SAMD5: variants seen among roughly 807,000 people sequenced by gnomAD.
SAMD5 encodes the protein sterile alpha motif domain-containing protein 5.
A neutral mutation model predicts 11.3 loss-of-function variants in SAMD5; 13 were observed. The observed-to-expected ratio is 1.15, with a 90% CI of 0.75 to 1.83. The LOEUF (loss-of-function observed/expected upper bound fraction) is 1.83. Among genes scored for constraint, SAMD5 ranks in the 40% most tolerant of loss-of-function variants. SAMD5 has a pLI of 0.00. For missense variants in SAMD5, 255 were observed against 239.1 expected (o/e 1.07, Z -0.44); for synonymous variants, 129 against 111.3 (o/e 1.16, Z -1.00).
chr6:147,678,385 C>T (rs1443066814), intron 1 of SAMD5, among the ~76,000 whole-genome samples: 1 of 152,170 alleles, frequency 6.6e-6, no homozygotes, highest in Non-Finnish European at 1.5e-5. Flanking sequence ...ATTTGATAGA[C>T]TTCCACTATA....
chr6:147,897,738 G>T, the SAMD5 span, among the ~76,000 whole-genome samples: 1 of 151,634 alleles, frequency 6.6e-6, no homozygotes, highest in African/African-American at 2.4e-5. Flanking sequence ...TGAGGTCGGG[G>T]GTTTGAGACC....
chr6:147,648,132 G>T (rs1487922576), intron 1 of SAMD5, among the ~76,000 whole-genome samples: 6 of 152,134 alleles, frequency 3.9e-5, no homozygotes, highest in Admixed American at 6.5e-5. Flanking sequence ...TTTTCACACT[G>T]CTATAAAGAC....
At chr6:147,664,177 C>G (rs1790685244) in intron 1 of SAMD5, among the ~76,000 whole-genome samples, 2 of 152,092 alleles carry the variant, frequency 1.3e-5, no homozygotes, top group Non-Finnish European at 2.9e-5. Context: ...ATTTCCTTGA[C>G]AAACTTGAAA....
chr6:147,562,727 C>A (rs1016217980), intron 1 of SAMD5, among the ~76,000 whole-genome samples: 1 of 152,022 alleles, frequency 6.6e-6, no homozygotes, highest in Non-Finnish European at 1.5e-5. Context: ...GAGGCTGAGG[C>A]AGGAGAATGG....
At chr6:147,928,589 C>A in the SAMD5 span, among the ~76,000 whole-genome samples, 33,536 of 151,890 alleles carry the variant, frequency 0.22, 4,104 homozygotes, top group South Asian at 0.44. Flanking sequence ...GGTGGCCTAT[C>A]TTACTATTTT....
intron 1 of SAMD5, among the ~76,000 whole-genome samples, chr6:147,624,403 G>A (rs1292256072): frequency 3.9e-5 from 6 of 151,920 alleles, no homozygotes; most frequent in Admixed American, 2.6e-4. Context: ...TGGAGTGTGC[G>A]TTTTGCTCCT....
the SAMD5 span, among the ~76,000 whole-genome samples, chr6:147,952,803 C>T: frequency 0.31 from 46,682 of 152,172 alleles, 7,879 homozygotes; most frequent in Middle Eastern, 0.46. Context: ...CGTGAGCCAC[C>T]GCACCCGGCC....
chr6:147,874,356 T>C, the SAMD5 span, among the ~76,000 whole-genome samples: 18 of 152,202 alleles, frequency 1.2e-4, no homozygotes, highest in Admixed American at 9.8e-4. Context: ...CATTAGGTAA[T>C]TCCTATTATT....
At chr6:147,810,885 A>G in the SAMD5 span, among the ~76,000 whole-genome samples, 19,953 of 152,198 alleles carry the variant, frequency 0.13, 1,623 homozygotes, top group East Asian at 0.33. Context: ...AATACAGTGT[A>G]TTCATACATA....
At chr6:147,824,609 T>C in the SAMD5 span, among the ~76,000 whole-genome samples, 24 of 152,082 alleles carry the variant, frequency 1.6e-4, no homozygotes, top group African/African-American at 5.3e-4. Context: ...AGAGGAAAAA[T>C]TGCCAAAGGT....
At chr6:147,608,831 T>C (rs1044242422) in intron 1 of SAMD5, among the ~76,000 whole-genome samples, 3 of 152,148 alleles carry the variant, frequency 2.0e-5, no homozygotes, top group African/African-American at 2.4e-5. Flanking sequence ...ACGTATAAAT[T>C]CTTGAGGGGA....
the SAMD5 span, among the ~76,000 whole-genome samples, chr6:147,939,205 A>G: frequency 6.6e-6 from 1 of 152,206 alleles, no homozygotes; most frequent in Admixed American, 6.5e-5. Context: ...GGGCTCTCTG[A>G]GCCCCTACCC....
chr6:147,571,470 C>T (rs550677895), downstream of SAMD5, among the ~76,000 whole-genome samples: 1 of 152,106 alleles, frequency 6.6e-6, no homozygotes, highest in Non-Finnish European at 1.5e-5. Flanking sequence ...GAAAAACTTA[C>T]TCTACCCGCA....
At chr6:147,803,091 C>A in the SAMD5 span, among the ~76,000 whole-genome samples, 2 of 147,894 alleles carry the variant, frequency 1.4e-5, no homozygotes, top group Admixed American at 6.8e-5. Flanking sequence ...CTAAATACTT[C>A]TTTTCTCTAT....
intron 1 of SAMD5, among the ~76,000 whole-genome samples, chr6:147,682,762 A>G (rs1790958079): frequency 7.7e-6 from 1 of 130,206 alleles, no homozygotes; most frequent in Admixed American, 8.4e-5. Context: ...ACATTTTTAA[A>G]TCTTATCTTT....
intron 1 of SAMD5, among the ~76,000 whole-genome samples, chr6:147,698,251 A>G (rs1791206133): frequency 6.6e-6 from 1 of 151,930 alleles, no homozygotes; most frequent in African/African-American, 2.4e-5. Flanking sequence ...TATCTGTGGG[A>G]CTATTGAGTG....
At chr6:147,886,903 T>C in the SAMD5 span, among the ~76,000 whole-genome samples, 1 of 152,112 alleles carries the variant, frequency 6.6e-6, no homozygotes, top group Non-Finnish European at 1.5e-5. Flanking sequence ...GTTCTGCCAA[T>C]AACTTTAGTG....
the SAMD5 span, among the ~76,000 whole-genome samples, chr6:147,747,449 G>A: frequency 6.6e-6 from 1 of 152,170 alleles, no homozygotes; most frequent in Non-Finnish European, 1.5e-5. Context: ...AATTGAATAT[G>A]ATCTCTTCTA....
chr6:147,556,816 A>G (rs1788865223), intron 1 of SAMD5, among the ~76,000 whole-genome samples: 1 of 152,238 alleles, frequency 6.6e-6, no homozygotes, highest in South Asian at 2.1e-4. Flanking sequence ...TTAATTTATC[A>G]GAAATAAATT....
Sources: gnomAD v4.1 joint callset for allele counts (sites outside exome capture counted in the v4.1 genomes callset) on GRCh38, gnomAD v4.1.1 for gene constraint, MANE v1.5 for transcripts, NCBI Gene and HGNC (gene_info 2026-07-23, HGNC 2026-07-21) for gene names.